Variants in GRAMD1B observed in about 807,000 individuals in gnomAD.
The protein encoded by GRAMD1B is GRAM domain containing 1B.
A neutral mutation model predicts 99.7 loss-of-function variants in GRAMD1B; 37 were observed. The ratio of observed to expected loss-of-function variants is 0.37; its 90% CI spans 0.29 to 0.49. GRAMD1B has a LOEUF of 0.49. GRAMD1B is among the 20% of genes least tolerant of loss of function. The probability of loss-of-function intolerance (pLI) is 0.98; values close to 1 mark genes in which losing one functional copy is unlikely to be tolerated. For missense variants in GRAMD1B, 888 were observed against 1,009.2 expected (o/e 0.88, Z 1.63); for synonymous variants, 427 against 387.6 (o/e 1.10, Z -1.19).
chr11:123,609,509 T>G (rs1475209878), intron 12 of GRAMD1B, among the ~76,000 whole-genome samples: 1 of 152,198 alleles, frequency 6.6e-6, no homozygotes, highest in African/African-American at 2.4e-5. Flanking sequence ...ACACCAGTGT[T>G]GCCAGCACCC....
chr11:123,393,316 A>G (rs1261860654), intron 1 of GRAMD1B, among the ~76,000 whole-genome samples: 1 of 152,220 alleles, frequency 6.6e-6, no homozygotes, highest in Non-Finnish European at 1.5e-5. Context: ...AATGTCTATT[A>G]TATGTTTCCA....
chr11:123,462,890 T>TAAAAAAAAAAA (rs55643501), intron 1 of GRAMD1B, among the ~76,000 whole-genome samples: 5 of 123,088 alleles, frequency 4.1e-5, no homozygotes, highest in African/African-American at 1.3e-4. Flanking sequence ...AAAAAATAAA[T>TAAAAAAAAAAA]TAAAAAAAAA....
intron 1 of GRAMD1B, among the ~76,000 whole-genome samples, chr11:123,457,318 T>G (rs1048320521): frequency 6.6e-6 from 1 of 152,150 alleles, no homozygotes; most frequent in Admixed American, 6.5e-5. Flanking sequence ...GTGTCTCTGT[T>G]AGCTGCCTCT....
At chr11:123,466,489 AAGAAAGAAAG>A (rs1950689364) in intron 1 of GRAMD1B, among the ~76,000 whole-genome samples, 1 of 151,648 alleles carries the variant, frequency 6.6e-6, no homozygotes, top group African/African-American at 2.4e-5. Context: ...AAGAAAGAAA[AAGAAAGAAAG>A]AAAAAGATTG....
intron 1 of GRAMD1B, among the ~76,000 whole-genome samples, chr11:123,457,136 A>AGAAAGAAAGAAAGAAAGAAT (rs1469694489): frequency 3.4e-5 from 5 of 148,934 alleles, no homozygotes; most frequent in South Asian, 4.3e-4. Context: ...AAAGAAAGAA[A>AGAAAGAAAGAAAGAAAGAAT]GAATTAGAAC....
chr11:123,603,340 A>AG, intron 8 of GRAMD1B, 86 bp from the exon 9 acceptor site: 1 of 801,512 alleles, frequency 1.2e-6, no homozygotes. Flanking sequence ...CCTCTTCTCC[A>AG]GGGGAACCAG....
chr11:123,482,129 C>T (rs1436481738), intron 2 of GRAMD1B, among the ~76,000 whole-genome samples: 1 of 151,440 alleles, frequency 6.6e-6, no homozygotes, highest in Non-Finnish European at 1.5e-5. Flanking sequence ...GACAGAATCT[C>T]GCTCTGTCAC....
intron 2 of GRAMD1B, among the ~76,000 whole-genome samples, chr11:123,516,817 T>C (rs1941714165): frequency 6.6e-6 from 1 of 152,272 alleles, no homozygotes; most frequent in Non-Finnish European, 1.5e-5. Flanking sequence ...CCATCTTTTA[T>C]CTTCCTTGTT....
At chr11:123,590,826 G>C (rs1950568906) in intron 4 of GRAMD1B, among the ~76,000 whole-genome samples, 1 of 152,196 alleles carries the variant, frequency 6.6e-6, no homozygotes, top group Non-Finnish European at 1.5e-5. Context: ...GACAGACCAG[G>C]ACTGGGGAGC....
intron 3 of GRAMD1B, among the ~76,000 whole-genome samples, chr11:123,578,967 T>A (rs1949041867): frequency 6.6e-6 from 1 of 152,134 alleles, no homozygotes. Flanking sequence ...TCCTCCCCAC[T>A]CGAGAGCTGC....
chr11:123,450,619 AAAG>A (rs1026847138), intron 1 of GRAMD1B, among the ~76,000 whole-genome samples: 1 of 152,196 alleles, frequency 6.6e-6, no homozygotes, highest in Non-Finnish European at 1.5e-5. Context: ...AAGAGTTGTA[AAAG>A]AAGTGTCTTC....
At chr11:123,384,279 A>C (rs1408741927) in intron 1 of GRAMD1B, among the ~76,000 whole-genome samples, 2 of 152,158 alleles carry the variant, frequency 1.3e-5, no homozygotes, top group Admixed American at 1.3e-4. Context: ...TTGTGCCAAA[A>C]ATGATCTCAG....
At chr11:123,389,348 C>T (rs1947191801) in intron 1 of GRAMD1B, among the ~76,000 whole-genome samples, 1 of 151,064 alleles carries the variant, frequency 6.6e-6, no homozygotes, top group African/African-American at 2.4e-5. Context: ...CGAGCCACTG[C>T]ACTCCAGCCT....
chr11:123,461,061 T>C (rs1471172938), intron 1 of GRAMD1B, among the ~76,000 whole-genome samples: 6 of 152,190 alleles, frequency 3.9e-5, no homozygotes, highest in Non-Finnish European at 8.8e-5. Context: ...AAACAGGTGA[T>C]AGCAAAATTA....
intron 1 of GRAMD1B, chr11:123,459,236 A>G (rs1388768921): frequency 6.8e-6 from 1 of 147,934 alleles, no homozygotes; most frequent in Non-Finnish European, 1.5e-5. Context: ...GATCATGGGA[A>G]AATCTTCATG....
intron 19 of GRAMD1B, 56 bp downstream of exon 19, chr11:123,619,280 C>T (rs769677867): frequency 1.3e-6 from 2 of 1,544,776 alleles, no homozygotes; most frequent in South Asian, 1.2e-5. Context: ...GGACTCCTTC[C>T]CTTATGCTGT....
chr11:123,486,479 C>T (rs969653871), intron 2 of GRAMD1B, among the ~76,000 whole-genome samples: 13 of 147,426 alleles, frequency 8.8e-5, no homozygotes, highest in African/African-American at 2.8e-4. Flanking sequence ...GCATGGGAGG[C>T]GAAGGTTGTA....
intron 1 of GRAMD1B, among the ~76,000 whole-genome samples, chr11:123,412,004 G>A (rs571459494): frequency 6.6e-6 from 1 of 152,080 alleles, no homozygotes; most frequent in African/African-American, 2.4e-5. Context: ...ATACAACATA[G>A]AAAATTATGT....
intron 2 of GRAMD1B, among the ~76,000 whole-genome samples, chr11:123,561,705 C>T (rs966615317): frequency 5.3e-5 from 8 of 152,338 alleles, no homozygotes; most frequent in Admixed American, 3.3e-4. Context: ...TCCGGGGAGA[C>T]CCCCTCGCTC....
Sources: allele counts gnomAD v4.1 joint callset (sites outside exome capture counted in the v4.1 genomes callset), GRCh38; gene constraint gnomAD v4.1.1; transcripts MANE v1.5; gene names NCBI Gene and HGNC (gene_info 2026-07-23, HGNC 2026-07-21).